CNTN4: variants seen among roughly 807,000 people sequenced by gnomAD.
CNTN4 encodes the protein contactin 4.
In CNTN4, 77 loss-of-function variants were observed where a neutral mutation model predicts 122.5. The ratio of observed to expected loss-of-function variants is 0.63; its 90% CI spans 0.52 to 0.76. The LOEUF (loss-of-function observed/expected upper bound fraction) is 0.76, where lower values mean the gene tolerates loss of function less well. CNTN4 is among the 30% of genes least tolerant of loss of function. CNTN4 has a pLI of 0.00. For synonymous variants in CNTN4, 512 were observed against 447.0 expected, an observed-to-expected ratio of 1.15 and a Z score of -1.83; for missense variants, 1,256 against 1,259.1, an observed-to-expected ratio of 1.00 and a Z score of 0.04.
At chr3:2,883,012 C>A (rs1027319948) in intron 8 of CNTN4, 133 bp from the exon 9 acceptor site, 8 of 683,842 alleles carry the variant, frequency 1.2e-5, no homozygotes, top group Admixed American at 1.1e-4. Flanking sequence ...GGAGATAGGA[C>A]CTGCTTTAAA....
At chr3:2,287,958 AT>A (rs561363595) in intron 2 of CNTN4, among the ~76,000 whole-genome samples, 8 of 152,042 alleles carry the variant, frequency 5.3e-5, no homozygotes, top group South Asian at 2.1e-4. Context: ...TAAAGATCTC[AT>A]TTTTTTTGTG....
intron 4 of CNTN4, among the ~76,000 whole-genome samples, chr3:2,611,568 T>G (rs1242204960): frequency 6.6e-6 from 1 of 152,130 alleles, no homozygotes; most frequent in African/African-American, 2.4e-5. Context: ...AAATGTGACT[T>G]AGATACGTTC....
At chr3:2,300,707 G>A (rs756394207) in intron 2 of CNTN4, among the ~76,000 whole-genome samples, 1 of 151,320 alleles carries the variant, frequency 6.6e-6, no homozygotes, top group Non-Finnish European at 1.5e-5. Flanking sequence ...GAGTAGCTGG[G>A]ATCACAGGCG....
intron 3 of CNTN4, among the ~76,000 whole-genome samples, chr3:2,435,230 C>A (rs1187824433): frequency 6.6e-6 from 1 of 152,112 alleles, no homozygotes; most frequent in Non-Finnish European, 1.5e-5. Flanking sequence ...TCAGTGTCTG[C>A]GAGGAATTGC....
chr3:2,622,092 C>T (rs2082011909), intron 4 of CNTN4, among the ~76,000 whole-genome samples: 1 of 152,180 alleles, frequency 6.6e-6, no homozygotes, highest in African/African-American at 2.4e-5. Flanking sequence ...GGAAAACACC[C>T]CCTTTCTCTC....
chr3:2,322,832 T>G (rs1145046), intron 2 of CNTN4, among the ~76,000 whole-genome samples: 3 of 151,752 alleles, frequency 2.0e-5, no homozygotes, highest in African/African-American at 4.8e-5. Flanking sequence ...GTGTATTTAA[T>G]ATTCTAAGAT....
intron 7 of CNTN4, among the ~76,000 whole-genome samples, chr3:2,853,798 T>C (rs1473393629): frequency 8.1e-6 from 1 of 124,054 alleles, no homozygotes; most frequent in East Asian, 2.4e-4. Context: ...TAAAAATCTC[T>C]GATTGGCTGA....
intron 2 of CNTN4, among the ~76,000 whole-genome samples, chr3:2,193,194 T>C (rs2037668644): frequency 6.6e-6 from 1 of 152,182 alleles, no homozygotes; most frequent in African/African-American, 2.4e-5. Flanking sequence ...TTATCTATTA[T>C]CTCTTCAGTA....
chr3:2,832,154 C>G (rs1358534602), intron 7 of CNTN4, among the ~76,000 whole-genome samples: 1 of 152,160 alleles, frequency 6.6e-6, no homozygotes, highest in Non-Finnish European at 1.5e-5. Flanking sequence ...CTTCAATGGA[C>G]ACAGTTGTGA....
chr3:2,899,253 T>C (rs189706857), intron 10 of CNTN4, among the ~76,000 whole-genome samples: 8 of 152,364 alleles, frequency 5.3e-5, no homozygotes, highest in Admixed American at 4.6e-4. Flanking sequence ...CAGTTTGGCC[T>C]CAACAGTAGC....
chr3:2,931,296 G>A (rs752767777), intron 13 of CNTN4, among the ~76,000 whole-genome samples: 1 of 152,148 alleles, frequency 6.6e-6, no homozygotes, highest in Non-Finnish European at 1.5e-5. Flanking sequence ...ATTGAAAAAA[G>A]GAGGAGGAAA....
chr3:2,151,926 G>A (rs2035511008), intron 2 of CNTN4, among the ~76,000 whole-genome samples: 1 of 152,162 alleles, frequency 6.6e-6, no homozygotes, highest in Non-Finnish European at 1.5e-5. Context: ...GAATTACCCA[G>A]TTTCAGTTTA....
intron 4 of CNTN4, among the ~76,000 whole-genome samples, chr3:2,683,470 C>G (rs2085272167): frequency 6.6e-6 from 1 of 151,740 alleles, no homozygotes; most frequent in Admixed American, 6.6e-5. Context: ...TCAGTTTGGT[C>G]TCTCTGAACA....
intron 3 of CNTN4, among the ~76,000 whole-genome samples, chr3:2,521,778 GT>G (rs1451201397): frequency 6.6e-6 from 1 of 152,044 alleles, no homozygotes; most frequent in Non-Finnish European, 1.5e-5. Context: ...GCTTACCTAA[GT>G]TTTGAAGTAG....
At chr3:2,267,530 A>G (rs113095573) in intron 2 of CNTN4, among the ~76,000 whole-genome samples, 16,249 of 152,162 alleles carry the variant, frequency 0.11, 979 homozygotes, top group Middle Eastern at 0.16. Flanking sequence ...CATGTCTGTT[A>G]TACATGACAA....
intron 3 of CNTN4, among the ~76,000 whole-genome samples, chr3:2,345,036 G>A (rs1469266937): frequency 6.6e-6 from 1 of 152,188 alleles, no homozygotes; most frequent in East Asian, 1.9e-4. Context: ...GTTTCTCTTG[G>A]TAGTTGACAG....
chr3:2,548,457 T>A (rs778021789), intron 3 of CNTN4, among the ~76,000 whole-genome samples: 12 of 152,188 alleles, frequency 7.9e-5, no homozygotes, highest in Non-Finnish European at 1.6e-4. Flanking sequence ...GTTGTTTTTG[T>A]CAGGTTCTTC....
intron 6 of CNTN4, among the ~76,000 whole-genome samples, chr3:2,802,605 G>C (rs931122761): frequency 2.6e-5 from 4 of 152,166 alleles, no homozygotes; most frequent in African/African-American, 4.8e-5. Flanking sequence ...ACAGAAACAA[G>C]TAAAGCAAGG....
At chr3:2,513,816 A>C (rs1289184000) in intron 3 of CNTN4, among the ~76,000 whole-genome samples, 1 of 152,168 alleles carries the variant, frequency 6.6e-6, no homozygotes, top group African/African-American at 2.4e-5. Flanking sequence ...GGGTCAGTTT[A>C]GGGTATGTGG....
Sources: allele counts gnomAD v4.1 joint callset (sites outside exome capture counted in the v4.1 genomes callset), GRCh38; gene constraint gnomAD v4.1.1; transcripts MANE v1.5; gene names NCBI Gene and HGNC (gene_info 2026-07-23, HGNC 2026-07-21).